Variants in FHIT observed in about 807,000 individuals in gnomAD.
FHIT encodes the protein fragile histidine triad diadenosine triphosphatase, also known as bis(5'-adenosyl)-triphosphatase.
FHIT carries 19 observed loss-of-function variants against 17.9 expected under a neutral mutation model. That is an observed-to-expected ratio of 1.06 (90% CI 0.74 to 1.56). The LOEUF (loss-of-function observed/expected upper bound fraction) is 1.56. Among genes scored for constraint, FHIT ranks in the 40% most tolerant of loss-of-function variants. The probability of loss-of-function intolerance (pLI) is 0.00; values close to 1 mark genes in which losing one functional copy is unlikely to be tolerated. For missense variants in FHIT, 248 were observed against 189.2 expected (o/e 1.31, Z -1.82); for synonymous variants, 81 against 69.7 (o/e 1.16, Z -0.81).
chr3:60,585,259 G>T (rs1477915954), intron 4 of FHIT, among the ~76,000 whole-genome samples: 2 of 151,920 alleles, frequency 1.3e-5, no homozygotes, highest in Non-Finnish European at 2.9e-5. Context: ...GAATGCTCCT[G>T]AAACGATACA....
At position 60,956,757 on chromosome 3, in the gene FHIT, A is replaced by G. The variant is rs576544936; in HGVS notation, c.-111+85290T>C. On this transcript the variant is annotated intron_variant, in intron 3 of 9. Transcript: ENST00000492590. ...CTGGAAGAAAAGGGTCTTACAACAA[A>G]GAGAACTCATGCTGCCTCTCCACTT... 3.9e-5 allele frequency among the ~76,000 whole-genome samples: 6 copies of G among 152,372 alleles called. No individual in the cohort carries two copies. The East Asian group carries it at 9.6e-4, about 24-fold the overall frequency.
intron 5 of FHIT, among the ~76,000 whole-genome samples, chr3:60,123,138 G>T (rs1241851462): frequency 6.6e-6 from 1 of 152,168 alleles, no homozygotes; most frequent in Non-Finnish European, 1.5e-5. Context: ...AAGAAAGCCA[G>T]TGAGAGAAAA....
intron 8 of FHIT, among the ~76,000 whole-genome samples, chr3:59,882,418 T>C (rs1037188325): frequency 6.6e-6 from 1 of 152,088 alleles, no homozygotes; most frequent in East Asian, 1.9e-4. Context: ...GAGAGATCGT[T>C]ATAGCACCTT....
intron 8 of FHIT, among the ~76,000 whole-genome samples, chr3:59,869,737 C>T (rs1181978822): frequency 4.6e-5 from 7 of 151,568 alleles, no homozygotes; most frequent in Non-Finnish European, 8.8e-5. Flanking sequence ...CTGCCCACCT[C>T]GGCCTCCCAA....
chr3:59,959,355 C>A (rs894200129), intron 7 of FHIT, among the ~76,000 whole-genome samples: 1 of 152,156 alleles, frequency 6.6e-6, no homozygotes, highest in East Asian at 1.9e-4. Flanking sequence ...CCATCACTAC[C>A]CCTATGAGAC....
At chr3:60,161,951 C>T (rs1265529522) in intron 5 of FHIT, among the ~76,000 whole-genome samples, 2 of 152,032 alleles carry the variant, frequency 1.3e-5, no homozygotes, top group Non-Finnish European at 2.9e-5. Context: ...GGATTAAAGG[C>T]GACACTGATG....
At chr3:61,055,468 C>T (rs2034183993) in intron 2 of FHIT, among the ~76,000 whole-genome samples, 1 of 152,182 alleles carries the variant, frequency 6.6e-6, no homozygotes, top group Non-Finnish European at 1.5e-5. Context: ...GTTCCCAAAG[C>T]TTATAGTGTT....
At chr3:59,904,289 C>A (rs1204494844) in intron 8 of FHIT, among the ~76,000 whole-genome samples, 1 of 143,578 alleles carries the variant, frequency 7.0e-6, no homozygotes. Context: ...CAAACTTGTG[C>A]CATAAAATTC....
At chr3:60,109,151 G>A (rs2178927) in intron 5 of FHIT, among the ~76,000 whole-genome samples, 3,591 of 152,138 alleles carry the variant, frequency 0.024, 78 homozygotes, top group Non-Finnish European at 0.037. Flanking sequence ...GGGAGAGAGA[G>A]AGATTACAGT....
At chr3:60,904,660 G>C (rs1706303825) in intron 3 of FHIT, among the ~76,000 whole-genome samples, 1 of 151,940 alleles carries the variant, frequency 6.6e-6, no homozygotes, top group Non-Finnish European at 1.5e-5. Flanking sequence ...AAAATTCTTG[G>C]CCAGGCGCAG....
rs528773636 is a variant in FHIT, at chr3:60,927,190, G to A, written c.-110-105179C>T. Among the ~76,000 whole-genome samples, 6 of 152,264 alleles carry A rather than the reference G, an allele frequency of 3.9e-5. No individual in the cohort carries two copies. In the East Asian group the frequency reaches 9.7e-4, roughly 25 times the overall value. Reference sequence around the variant, plus strand: ...GGTTTTTGTATTTTTTGGTGGAGACGGGGTTTCGCCGTGTTGGCCGGGCTG... The same window carrying A: ...GGTTTTTGTATTTTTTGGTGGAGACAGGGTTTCGCCGTGTTGGCCGGGCTG... On this transcript the variant is annotated intron_variant, in intron 3 of 9. Coordinates refer to ENST00000492590, the MANE Select transcript of FHIT (RefSeq NM_002012.4).
At chr3:60,695,977 T>A (rs2041105595) in intron 4 of FHIT, among the ~76,000 whole-genome samples, 3 of 152,228 alleles carry the variant, frequency 2.0e-5, no homozygotes, top group Non-Finnish European at 4.4e-5. Context: ...AAGGGCTTTG[T>A]ACGGAGGAAT....
At chr3:60,299,139 C>T (rs1186454934) in intron 5 of FHIT, among the ~76,000 whole-genome samples, 6 of 152,226 alleles carry the variant, frequency 3.9e-5, no homozygotes, top group South Asian at 2.1e-4. Context: ...TCAGCCGTGA[C>T]GATCCTCAAG....
At chr3:61,055,867 T>C (rs902678500) in intron 2 of FHIT, among the ~76,000 whole-genome samples, 6 of 152,186 alleles carry the variant, frequency 3.9e-5, no homozygotes, top group Non-Finnish European at 5.9e-5. Context: ...ATACATAGTG[T>C]ATATATTTAT....
At chr3:60,390,032 C>G (rs996757769) in intron 5 of FHIT, among the ~76,000 whole-genome samples, 1 of 152,176 alleles carries the variant, frequency 6.6e-6, no homozygotes, top group East Asian at 1.9e-4. Context: ...CTGCTGCAAT[C>G]TCTCTGTTGC....
At chr3:60,932,937 C>T (rs9852553) in intron 3 of FHIT, among the ~76,000 whole-genome samples, 91,010 of 151,902 alleles carry the variant, frequency 0.6, 27,570 homozygotes, top group East Asian at 0.69. Flanking sequence ...CAAACTGGCT[C>T]CCAGAAACAA....
At chr3:59,835,387 C>A (rs1172017221) in intron 8 of FHIT, among the ~76,000 whole-genome samples, 1 of 152,160 alleles carries the variant, frequency 6.6e-6, no homozygotes, top group African/African-American at 2.4e-5. Flanking sequence ...AAATGAAGCT[C>A]TCCTAATCTT....
chr3:60,338,896 C>G (rs929398257), intron 5 of FHIT, among the ~76,000 whole-genome samples: 2 of 152,156 alleles, frequency 1.3e-5, no homozygotes, highest in East Asian at 3.9e-4. Flanking sequence ...GGGCCTGCCT[C>G]AAACCTCAGC....
intron 7 of FHIT, among the ~76,000 whole-genome samples, chr3:60,004,783 A>C (rs371614604): frequency 1.3e-5 from 2 of 152,116 alleles, no homozygotes; most frequent in South Asian, 2.1e-4. Flanking sequence ...AGTTTCCCTA[A>C]GTGTAAAATA....
Sources: gnomAD v4.1 joint callset for allele counts (sites outside exome capture counted in the v4.1 genomes callset) on GRCh38, gnomAD v4.1.1 for gene constraint, MANE v1.5 for transcripts, NCBI Gene and HGNC (gene_info 2026-07-23, HGNC 2026-07-21) for gene names.